Variants in GRXCR2 observed in about 807,000 individuals in gnomAD.
GRXCR2 encodes the protein glutaredoxin and cysteine rich domain containing 2, also known as glutaredoxin domain-containing cysteine-rich protein 2.
Under a neutral mutation model 24.8 loss-of-function variants are expected in GRXCR2, and 23 were observed. That is an observed-to-expected ratio of 0.93 (90% CI 0.67 to 1.32). GRXCR2 has a LOEUF of 1.32. GRXCR2 is among the 40% of genes most tolerant of loss of function. The pLI is 0.00. For synonymous variants in GRXCR2, 130 were observed against 116.1 expected (o/e 1.12, Z -0.77); for missense variants, 315 against 303.4 (o/e 1.04, Z -0.28).
chr5:145,914,387 C>T (rs148951146), intron 2 of GRXCR2, among the ~76,000 whole-genome samples: 122 of 151,646 alleles, frequency 8.0e-4, no homozygotes, highest in African/African-American at 2.9e-3. Context: ...AAAAAAATAA[C>T]AAATCTGGCG....
chr5:145,882,494 T>C (rs1299671013), intron 2 of GRXCR2, among the ~76,000 whole-genome samples: 2 of 152,240 alleles, frequency 1.3e-5, no homozygotes, highest in East Asian at 1.9e-4. Context: ...CCAATTAGAA[T>C]GGCGATAACT....
At chr5:145,931,580 T>C (rs1757478456) in intron 2 of GRXCR2, among the ~76,000 whole-genome samples, 1 of 152,168 alleles carries the variant, frequency 6.6e-6, no homozygotes, top group African/African-American at 2.4e-5. Context: ...AGAGTGTTAA[T>C]AGCCACTCAA....
intron 2 of GRXCR2, 136 bp from the exon 3 acceptor site, chr5:145,860,051 G>T: frequency 3.0e-6 from 2 of 666,286 alleles, no homozygotes; most frequent in Non-Finnish European, 4.9e-6. Context: ...GTCAGTGAGA[G>T]AATCATCTGG....
At position 145,898,580 on chromosome 5, in the gene GRXCR2, C is replaced by A. The variant is rs987767022; in HGVS notation, c.-69-31852G>T. Among the ~76,000 whole-genome samples the A allele has an allele frequency of 2.6e-5, 4 of 152,058 alleles. No homozygotes were observed. The East Asian group carries it at 7.7e-4, about 29-fold the overall frequency. Reference sequence around the variant, plus strand: ...TTCATCAACATGTTAAAAAGTTAATCCACCATGATCAAATAGGCTTCATTC... The same window carrying A: ...TTCATCAACATGTTAAAAAGTTAATACACCATGATCAAATAGGCTTCATTC... On this transcript the variant is annotated intron_variant, in intron 2 of 3. Transcript: ENST00000639411.
intron 2 of GRXCR2, among the ~76,000 whole-genome samples, chr5:145,894,019 G>T (rs1756910555): frequency 6.6e-6 from 1 of 152,194 alleles, no homozygotes; most frequent in Non-Finnish European, 1.5e-5. Context: ...TGAACAATCT[G>T]CTCCTGAATG....
intron 2 of GRXCR2, among the ~76,000 whole-genome samples, chr5:145,863,595 T>G (rs371874902): frequency 2.0e-5 from 3 of 152,270 alleles, no homozygotes; most frequent in African/African-American, 2.4e-5. Context: ...ATTAAAAAAT[T>G]TTATAGTGGG....
At chr5:145,922,458 G>A (rs970710266) in intron 2 of GRXCR2, among the ~76,000 whole-genome samples, 1 of 152,162 alleles carries the variant, frequency 6.6e-6, no homozygotes, top group Non-Finnish European at 1.5e-5. Flanking sequence ...GTTCATGATG[G>A]TCTATTTACT....
intron 2 of GRXCR2, among the ~76,000 whole-genome samples, chr5:145,928,617 C>G (rs538060771): frequency 5.9e-5 from 9 of 152,112 alleles, no homozygotes; most frequent in African/African-American, 2.2e-4. Context: ...ACGGATGAAG[C>G]TGGAAACCAT....
chr5:145,868,843 C>T (rs1756477154), intron 1 of GRXCR2, among the ~76,000 whole-genome samples: 3 of 152,156 alleles, frequency 2.0e-5, no homozygotes, highest in Admixed American at 2.0e-4. Flanking sequence ...GTTTTAGTTA[C>T]CCTGATAGGC....
chr5:145,877,342 C>T (rs528624001), upstream of GRXCR2, among the ~76,000 whole-genome samples: 1 of 150,960 alleles, frequency 6.6e-6, no homozygotes, highest in East Asian at 1.9e-4. Flanking sequence ...CTGATACTAC[C>T]TCTTCACTAT....
In GRXCR2 at chr5:145,889,243, A is replaced by AGAAT. The variant is rs1554105362; in HGVS notation, c.-69-22519_-69-22516dup. On this transcript the variant is annotated intron_variant, in intron 2 of 3. Coordinates refer to the GRXCR2 transcript ENST00000639411. ...AAGAAAGAAAGAAAGAAAGAAAGAA[A>AGAAT]GAATTATGCAATGGACTCTGGGGAC... is the stretch of plus-strand genomic sequence containing the variant. 4.8e-3 allele frequency among the ~76,000 whole-genome samples: 714 copies of AGAAT among 147,558 alleles called. 13 individuals carry two copies. Among genetic ancestry groups the AGAAT allele is most frequent in the Middle Eastern group, 0.014 (4 of 284 alleles).
chr5:145,866,846 T>C (rs750478745), intron 1 of GRXCR2, 118 bp from the exon 2 acceptor site: 22 of 666,128 alleles, frequency 3.3e-5, no homozygotes, highest in Non-Finnish European at 5.3e-5. Flanking sequence ...CCCAGCATTT[T>C]TGATCCCATC....
intron 2 of GRXCR2, among the ~76,000 whole-genome samples, chr5:145,893,813 A>G (rs1756907182): frequency 6.6e-6 from 1 of 152,240 alleles, no homozygotes; most frequent in Non-Finnish European, 1.5e-5. Context: ...TCTCCACCCC[A>G]AATCAAGAGA....
intron 2 of GRXCR2, among the ~76,000 whole-genome samples, chr5:145,888,123 C>T (rs1756801942): frequency 6.6e-6 from 1 of 152,164 alleles, no homozygotes; most frequent in Non-Finnish European, 1.5e-5. Context: ...TTAAGAGCCA[C>T]TGCTCTAGTA....
chr5:145,859,634 G>A lies in GRXCR2; in HGVS notation c.*99C>T, dbSNP rs944428957. 2 of 1,085,110 alleles carry A rather than the reference G, an allele frequency of 1.8e-6. No individual in the cohort carries two copies. The highest frequency in any genetic ancestry group is 2.8e-6 in the Non-Finnish European group (2 of 721,394). The allele number at this position is 1,085,110 out of a possible 1,614,324, so 67.2% of individuals were successfully genotyped here. A position where few individuals can be genotyped will look rare whatever the true frequency, so the allele number is the denominator to read the frequency against. On this transcript the variant is annotated 3_prime_UTR_variant, in exon 3 of 3. Transcript: ENST00000377976. ...AGTGGGAGTGACTGCAGCCACTGTG[G>A]CCTCCTTGTTGGGAGAGGCAGGAGG...
intron 2 of GRXCR2, among the ~76,000 whole-genome samples, chr5:145,908,635 G>A (rs574663569): frequency 6.6e-6 from 1 of 152,300 alleles, no homozygotes; most frequent in African/African-American, 2.4e-5. Context: ...TATTTCTGAG[G>A]ATTCCTTTCA....
chr5:145,929,458 C>T (rs1261842665), intron 2 of GRXCR2, among the ~76,000 whole-genome samples: 2 of 151,772 alleles, frequency 1.3e-5, no homozygotes, highest in African/African-American at 2.4e-5. Context: ...TAAGACATTG[C>T]AAAAATGTTA....
intron 2 of GRXCR2, among the ~76,000 whole-genome samples, chr5:145,882,896 A>G (rs1756723074): frequency 6.6e-6 from 1 of 152,066 alleles, no homozygotes; most frequent in South Asian, 2.1e-4. Flanking sequence ...GCTGGAAACC[A>G]TCATTCTCAG....
chr5:145,899,728 G>A (rs1730687578), intron 2 of GRXCR2, among the ~76,000 whole-genome samples: 1 of 152,076 alleles, frequency 6.6e-6, no homozygotes. Flanking sequence ...AATGAAATTG[G>A]ACCTTTACCT....
Sources: allele counts gnomAD v4.1 joint callset (sites outside exome capture counted in the v4.1 genomes callset), GRCh38; gene constraint gnomAD v4.1.1; transcripts MANE v1.5; gene names NCBI Gene and HGNC (gene_info 2026-07-23, HGNC 2026-07-21).